The following ADCY9 variants were observed in gnomAD, a reference collection of about 807,000 sequenced individuals.
ADCY9 encodes adenylate cyclase type 9.
ADCY9 carries 50 observed loss-of-function variants against 101.5 expected under a neutral mutation model. The observed-to-expected ratio is 0.49, with a 90% CI of 0.39 to 0.62. ADCY9 has a LOEUF of 0.62. Ranked by LOEUF, ADCY9 falls within the 20% of genes least tolerant of loss-of-function variation. ADCY9 has a pLI of 0.00. For synonymous variants in ADCY9, 905 were observed against 769.3 expected (o/e 1.18, Z -2.92); for missense variants, 1,662 against 1,800.4 (o/e 0.92, Z 1.39).
At chr16:4,027,674 C>A (rs538661098) in intron 2 of ADCY9, among the ~76,000 whole-genome samples, 2 of 152,062 alleles carry the variant, frequency 1.3e-5, no homozygotes, top group African/African-American at 2.4e-5. Flanking sequence ...CTCAAGAGTT[C>A]GAGACCAGCC....
intron 2 of ADCY9, among the ~76,000 whole-genome samples, chr16:4,095,280 C>T (rs144725715): frequency 5.9e-5 from 9 of 152,186 alleles, no homozygotes; most frequent in Non-Finnish European, 1.2e-4. Context: ...CGATTACAGG[C>T]GTGAGCCACC....
At chr16:4,060,273 G>A (rs2056766975) in intron 2 of ADCY9, among the ~76,000 whole-genome samples, 1 of 152,216 alleles carries the variant, frequency 6.6e-6, no homozygotes, top group South Asian at 2.1e-4. Context: ...ATCACGGGCA[G>A]TGGTAAAGTC....
chr16:4,049,505 CT>C (rs1407996162), intron 2 of ADCY9, among the ~76,000 whole-genome samples: 1 of 152,162 alleles, frequency 6.6e-6, no homozygotes, highest in Non-Finnish European at 1.5e-5. Flanking sequence ...TAAAAAGTCT[CT>C]GGAATGTCAC....
intron 2 of ADCY9, among the ~76,000 whole-genome samples, chr16:4,024,251 G>A (rs573186512): frequency 1.3e-5 from 2 of 152,096 alleles, no homozygotes; most frequent in Admixed American, 6.6e-5. Context: ...TCAAAGTCCT[G>A]ACCTCATGAT....
intron 2 of ADCY9, among the ~76,000 whole-genome samples, chr16:4,098,239 T>TTTTG (rs1567147365): frequency 1.0e-3 from 156 of 151,504 alleles, no homozygotes; most frequent in African/African-American, 3.6e-3. Flanking sequence ...GTTTTGTTTT[T>TTTTG]GTTTTTGGTT....
intron 2 of ADCY9, among the ~76,000 whole-genome samples, chr16:4,085,643 G>A (rs1158821320): frequency 6.6e-6 from 1 of 152,068 alleles, no homozygotes; most frequent in Admixed American, 6.5e-5. Context: ...GGACCTCGTC[G>A]AAGAGGGAGA....
rs368222855 is a variant in ADCY9 at position 3,956,209 on chromosome 16, T to TG, written c.568-2694_568-2693insC. ...GCAACTGCACCCAGGCAAAGTCATA[T>TG]TTTTTTTCACCTGAGAGCTCCAATT... On this transcript the variant is annotated intron_variant, in intron 5 of 5. Coordinates refer to the ADCY9 transcript ENST00000576936. Among the ~76,000 whole-genome samples, 337 of 152,038 alleles carry TG rather than the reference T, an allele frequency of 2.2e-3. 2 individuals carry two copies. Among genetic ancestry groups the TG allele is most frequent in the African/African-American group, 7.8e-3 (323 of 41,498 alleles).
chr16:4,079,429 T>G (rs1443262281), intron 2 of ADCY9, among the ~76,000 whole-genome samples: 3 of 151,914 alleles, frequency 2.0e-5, no homozygotes, highest in South Asian at 4.2e-4. Context: ...ATTAGCTGGG[T>G]GTGGTGGCGG....
At chr16:4,010,463 C>T (rs1370330717) in intron 2 of ADCY9, among the ~76,000 whole-genome samples, 2 of 152,246 alleles carry the variant, frequency 1.3e-5, no homozygotes, top group Non-Finnish European at 2.9e-5. Flanking sequence ...AAGCACATCT[C>T]CAACGTCTGC....
rs1597137427 is a variant in ADCY9, at chr16:3,974,539, T to C, written c.2870+130A>G. 4.4e-6 allele frequency: 3 copies of C among 685,324 alleles called. No homozygotes were observed. The East Asian group carries it at 7.9e-5, about 18-fold the overall frequency. 42.5% of individuals were successfully genotyped at this position (685,324 alleles called of 1,614,324 possible). ...AGTTCAACGAGGAGATATTTTCCACTTTCTATTCTAAGAATGCACGTATTG... is the reference window on the plus strand; with the variant it reads ...AGTTCAACGAGGAGATATTTTCCACCTTCTATTCTAAGAATGCACGTATTG... On this transcript the variant is annotated intron_variant, in intron 10 of 10. Coordinates refer to ENST00000294016, the MANE Select transcript of ADCY9 (RefSeq NM_001116.4).
chr16:4,027,970 A>T (rs771111530), intron 2 of ADCY9, among the ~76,000 whole-genome samples: 50 of 152,120 alleles, frequency 3.3e-4, no homozygotes, highest in Non-Finnish European at 5.9e-4. Context: ...CCCACGATTC[A>T]ATTACCTCCC....
chr16:4,109,151 C>A (rs1043290627), intron 2 of ADCY9, among the ~76,000 whole-genome samples: 10 of 152,090 alleles, frequency 6.6e-5, no homozygotes, highest in African/African-American at 2.4e-4. Flanking sequence ...TGTTTGTTCA[C>A]AAAACACTTT....
At chr16:4,004,515 G>A (rs1049514471) in intron 3 of ADCY9, among the ~76,000 whole-genome samples, 10 of 152,192 alleles carry the variant, frequency 6.6e-5, no homozygotes, top group Admixed American at 1.3e-4. Flanking sequence ...AGTTCTGCTC[G>A]GGCTTCTGAC....
chr16:4,024,312 C>T (rs1346645529), intron 2 of ADCY9, among the ~76,000 whole-genome samples: 1 of 152,202 alleles, frequency 6.6e-6, no homozygotes, highest in Non-Finnish European at 1.5e-5. Context: ...TAAGCCACTG[C>T]ACCCATCCAA....
At chr16:4,033,423 C>G (rs905725156) in intron 2 of ADCY9, among the ~76,000 whole-genome samples, 1 of 143,516 alleles carries the variant, frequency 7.0e-6, no homozygotes, top group Non-Finnish European at 1.5e-5. Flanking sequence ...GCAGTCTCTC[C>G]TTGAAGTAAT....
chr16:3,969,609 T>TATATATAC (rs1321798408), intron 10 of ADCY9, among the ~76,000 whole-genome samples: 9 of 94,888 alleles, frequency 9.5e-5, no homozygotes, highest in African/African-American at 3.2e-4. Flanking sequence ...TATATATATA[T>TATATATAC]GTATTTTTTT....
chr16:4,020,388 A>G (rs1330691521), intron 2 of ADCY9, among the ~76,000 whole-genome samples: 1 of 152,226 alleles, frequency 6.6e-6, no homozygotes, highest in Non-Finnish European at 1.5e-5. Flanking sequence ...CATAAGAACT[A>G]CTAAAAGAAA....
chr16:4,092,845 T>C (rs2056981948), intron 2 of ADCY9, among the ~76,000 whole-genome samples: 1 of 152,144 alleles, frequency 6.6e-6, no homozygotes, highest in African/African-American at 2.4e-5. Context: ...GGTTTTTTAA[T>C]GTAACGAAGT....
intron 9 of ADCY9, among the ~76,000 whole-genome samples, chr16:3,975,927 G>C (rs2056089052): frequency 6.6e-6 from 1 of 152,204 alleles, no homozygotes; most frequent in African/African-American, 2.4e-5. Flanking sequence ...AACACATTTA[G>C]TTGAAAAGGC....
Sources: allele counts gnomAD v4.1 joint callset (sites outside exome capture counted in the v4.1 genomes callset), GRCh38; gene constraint gnomAD v4.1.1; transcripts MANE v1.5; gene names NCBI Gene and HGNC (gene_info 2026-07-23, HGNC 2026-07-21).